The following MUC3A variants were observed in gnomAD, a reference collection of about 807,000 sequenced individuals.
MUC3A encodes mucin-3A.
Under a neutral mutation model 109.0 loss-of-function variants are expected in MUC3A, and 109 were observed. The observed-to-expected ratio is 1.00, with a 90% CI of 0.86 to 1.17. The LOEUF (loss-of-function observed/expected upper bound fraction) is 1.17, where lower values mean the gene tolerates loss of function less well. MUC3A is among the 50% of genes most tolerant of loss of function. MUC3A has a pLI of 0.00. For missense variants in MUC3A, 3,537 were observed against 2,469.4 expected (o/e 1.43, Z -9.16); for synonymous variants, 1,398 against 981.4 (o/e 1.42, Z -7.93).
In MUC3A at chr7:100,958,853, C is replaced by T; in HGVS notation, c.7074C>T (p.Phe2358=). The T allele has an allele frequency of 7.0e-7, 1 of 1,429,012 alleles. No individual in the cohort carries two copies. The highest frequency in any genetic ancestry group is 9.1e-7 in the Non-Finnish European group (1 of 1,098,860). The allele number at this position is 1,429,012 out of a possible 1,614,324, so 88.5% of individuals were successfully genotyped here. A position where few individuals can be genotyped will look rare whatever the true frequency, so the allele number is the denominator to read the frequency against. The stretch of plus-strand genomic sequence containing the variant: ...CCAACTCTCACAGTACTACCAGCTT[C>T]ACTTCTTCGATCACCACCACCGAGA... ...TETNSHSTTS[F]TSSITTTETT... Residue 2358 remains phenylalanine, a synonymous_variant, in exon 2 of 12, where the codon TTC becomes TTT. Transcript: ENST00000379458.
At chr7:100,951,601 G>GACCT (rs765040183) in intron 1 of MUC3A, among the ~76,000 whole-genome samples, 1 of 152,226 alleles carries the variant, frequency 6.6e-6, no homozygotes, top group Non-Finnish European at 1.5e-5. Context: ...ACAAGGCCAA[G>GACCT]GCCCGGTGAG....
At position 100,964,860 on chromosome 7, in the gene MUC3A, G is replaced by A. The variant is rs1246197458; in HGVS notation, c.9382+17G>A. On this transcript the variant is annotated intron_variant, in intron 6 of 11. Coordinates refer to ENST00000379458, the MANE Select transcript of MUC3A (RefSeq NM_005960.2). ...ACTCCCAGAGTGAGCCCAGGCTGGA[G>A]GGAGGGGCCAGGGCCTGAGGTGTCA... The A allele has an allele frequency of 6.3e-7, 1 of 1,592,210 alleles. No homozygotes were observed. The highest frequency in any genetic ancestry group is 8.5e-7 in the Non-Finnish European group (1 of 1,175,662).
At position 100,960,419 on chromosome 7, in the gene MUC3A, CCT is replaced by C. The variant is rs775766625; in HGVS notation, c.8641_8642del (p.Leu2881ThrfsTer17). On this transcript the variant is annotated frameshift_variant, in exon 2 of 12. Transcript: ENST00000379458. LOFTEE classifies it high-confidence loss of function. ...GGCTGAGCAACAGTTCTGTGATCCCCCTACCTCTTCCTGGCGTCTCTACCATC... is the reference window on the plus strand; with the variant it reads ...GGCTGAGCAACAGTTCTGTGATCCCCACCTCTTCCTGGCGTCTCTACCATC... ...TWLSNSSVIP[L>X]PLPGVSTIPL... The C allele has an allele frequency of 6.3e-7, 1 of 1,598,536 alleles. No individual in the cohort carries two copies. Among genetic ancestry groups the C allele is most frequent in the East Asian group, 2.2e-5 (1 of 44,890 alleles).
chr7:100,965,353 G>T lies in MUC3A; in HGVS notation c.9448+6G>T, dbSNP rs769374667. 7 of 1,597,206 alleles carry T rather than the reference G, an allele frequency of 4.4e-6. No homozygotes were observed. Among genetic ancestry groups the T allele is most frequent in the Non-Finnish European group, 5.9e-6 (7 of 1,178,844 alleles). Reference sequence around the variant, plus strand: ...GACAGAGCTGACCCCGGCAGGTAAGGGTGGGGTAAAGGGCTGAGTGGTCTC... The same window carrying T: ...GACAGAGCTGACCCCGGCAGGTAAGTGTGGGGTAAAGGGCTGAGTGGTCTC... On this transcript the variant is annotated splice_donor_region_variant and intron_variant, in intron 7 of 11. Coordinates refer to ENST00000379458, the MANE Select transcript of MUC3A (RefSeq NM_005960.2).
Position 100,958,878 on chromosome 7 carries a change from A to T in MUC3A, c.7099A>T (p.Thr2367Ser), listed in dbSNP as rs565072040. The change falls in exon 2 of 12, where the codon ACC becomes TCC. Residue 2367 changes from threonine to serine, a missense_variant. By Grantham distance (58) the Thr-to-Ser change is moderately conservative (BLOSUM62 1). Transcript: ENST00000379458. ...CACTTCTTCGATCACCACCACCGAG[A>T]CCACCTCACACAGTACTCCCAGCTT... ...SFTSSITTTETTSHSTPSFSS... is the reference protein window; with the variant it reads ...SFTSSITTTESTSHSTPSFSS... The T allele has an allele frequency of 6.3e-7, 1 of 1,593,636 alleles. No individual in the cohort carries two copies. The highest frequency in any genetic ancestry group is 8.5e-7 in the Non-Finnish European group (1 of 1,176,944).
chr7:100,966,086 A>G, intron 8 of MUC3A: 1 of 449,894 alleles, frequency 2.2e-6, no homozygotes, highest in Non-Finnish European at 3.2e-6. Flanking sequence ...ATTCTGGGAG[A>G]GAACCCCGCC....
Position 100,955,099 on chromosome 7 carries a change from G to A in MUC3A, c.3320G>A (p.Ser1107Asn), listed in dbSNP as rs1027166033. The A allele has an allele frequency of 1.9e-6, 1 of 525,402 alleles. No homozygotes were observed. Among genetic ancestry groups the A allele is most frequent in the Non-Finnish European group, 3.3e-6 (1 of 300,370 alleles). The allele number at this position is 525,402 out of a possible 1,614,324, so 32.5% of individuals were successfully genotyped here. A position where few individuals can be genotyped will look rare whatever the true frequency, so the allele number is the denominator to read the frequency against. ...ACGACTGAAATCACCTATTCCACAAGTATAACAGGTACATTGTCCACTGCC... is the reference window on the plus strand; with the variant it reads ...ACGACTGAAATCACCTATTCCACAAATATAACAGGTACATTGTCCACTGCC... ...DSTTEITYST[S>N]ITGTLSTATT... is the part of the protein sequence containing the mutation. The change falls in exon 2 of 12, where the codon AGT becomes AAT. Residue 1107 changes from serine (S) to asparagine (N), a missense_variant. Coordinates refer to ENST00000379458, the MANE Select transcript of MUC3A (RefSeq NM_005960.2).
At chr7:100,963,075 G>T in intron 3 of MUC3A, 76 bp from the exon 4 acceptor site, 1 of 1,503,202 alleles carries the variant, frequency 6.7e-7, no homozygotes, top group Non-Finnish European at 9.0e-7. Context: ...GGAGCCTGTG[G>T]GTTGGGGTGG....
chr7:100,952,388 G>A lies in MUC3A; in HGVS notation c.609G>A (p.Val203=), dbSNP rs940393401. 2 of 1,597,700 alleles carry A rather than the reference G, an allele frequency of 1.3e-6. No homozygotes were observed. Among genetic ancestry groups the A allele is most frequent in the Non-Finnish European group, 1.7e-6 (2 of 1,179,466 alleles). Residue 203 remains valine, a synonymous_variant, in exon 2 of 12, where the codon GTG becomes GTA. Coordinates refer to ENST00000379458, the MANE Select transcript of MUC3A (RefSeq NM_005960.2). ...CAAGGGAAACTCCCATAGTGACAGT[G>A]ACACCCTCCTCTGTGTCAGCCACAG... is the stretch of plus-strand genomic sequence containing the variant. ...TTARETPIVT[V]TPSSVSATDT... is the part of the protein sequence containing the mutation.
At chr7:100,962,807 CTCTCTCTT>C (rs922597449) in intron 3 of MUC3A, among the ~76,000 whole-genome samples, 1 of 33,922 alleles carries the variant, frequency 2.9e-5, no homozygotes, top group African/African-American at 1.1e-4. Flanking sequence ...TTCTCTCTCT[CTCTCTCTT>C]TCTTTCTTTC....
In MUC3A at chr7:100,959,668, CTAT is replaced by C; in HGVS notation, c.7891_7893del (p.Ile2631del). ...ACGATCGTGTCAACATCACAGGTTCCTATTCCTAGCACACATTCCTCCACCCTT... is the reference window on the plus strand; with the variant it reads ...ACGATCGTGTCAACATCACAGGTTCCTCCTAGCACACATTCCTCCACCCTT... On this transcript the variant is annotated inframe_deletion, in exon 2 of 12. Coordinates refer to ENST00000379458, the MANE Select transcript of MUC3A (RefSeq NM_005960.2). The C allele has an allele frequency of 6.3e-7, 1 of 1,598,522 alleles. No homozygotes were observed. The highest frequency in any genetic ancestry group is 1.3e-5 in the African/African-American group (1 of 75,084).
In MUC3A at chr7:100,966,653, T is replaced by A. The variant is rs587634761; in HGVS notation, c.9787T>A (p.Ser3263Thr). The stretch of plus-strand genomic sequence containing the variant: ...TGACCGCGCGGCGGCCCCACCTAGG[T>A]CCTGGGACCAGGACAGGAAATGGTT... ...GWWGGQRRGRSWDQDRKWFET... is the reference protein window; with the variant it reads ...GWWGGQRRGRTWDQDRKWFET... Residue 3263 changes from serine to threonine, a missense_variant and splice_region_variant, in exon 10 of 12, where the codon TCC becomes ACC. By Grantham distance (58) the Ser-to-Thr change is moderately conservative (BLOSUM62 1). Coordinates refer to ENST00000379458, the MANE Select transcript of MUC3A (RefSeq NM_005960.2). 16 of 1,598,506 alleles carry A rather than the reference T, an allele frequency of 1.0e-5. No individual in the cohort carries two copies. The Admixed American group carries it at 2.7e-4, about 27-fold the overall frequency.
Position 100,952,957 on chromosome 7 carries a change from A to C in MUC3A, c.1178A>C (p.Glu393Ala), listed in dbSNP as rs1792010104. 27 of 1,593,348 alleles carry C rather than the reference A, an allele frequency of 1.7e-5. No individual in the cohort carries two copies. Among genetic ancestry groups the C allele is most frequent in the Non-Finnish European group, 2.2e-5 (26 of 1,177,710 alleles). Residue 393 changes from glutamate to alanine, a missense_variant, in exon 2 of 12, where the codon GAG (glutamate) becomes GCG (alanine). By Grantham distance (107) the Glu-to-Ala change is moderately radical. Coordinates refer to ENST00000379458, the MANE Select transcript of MUC3A (RefSeq NM_005960.2). Reference sequence around the variant, plus strand: ...ACAAACTTGGTAACCACCACCACTGAGATCTCCTCCCACAGTACTCCCAGC... The same window carrying C: ...ACAAACTTGGTAACCACCACCACTGCGATCTCCTCCCACAGTACTCCCAGC... The part of the protein sequence containing the change: ...PMTNLVTTTT[E>A]ISSHSTPSFS...
At chr7:100,965,919 G>C (rs1450321194) in intron 8 of MUC3A, 53 bp downstream of exon 8, 1 of 1,544,156 alleles carries the variant, frequency 6.5e-7, no homozygotes, top group Non-Finnish European at 8.7e-7. Context: ...CTCATTCTAG[G>C]ATGAAGCCCT....
chr7:100,966,462 G>T lies in MUC3A; in HGVS notation c.9688G>T (p.Gly3230Cys). 1.5e-6 allele frequency: 2 copies of T among 1,339,492 alleles called. No homozygotes were observed. Among genetic ancestry groups the T allele is most frequent in the Non-Finnish European group, 9.5e-7 (1 of 1,053,318 alleles). 83.0% of individuals were successfully genotyped at this position (1,339,492 alleles called of 1,614,324 possible). Reference sequence around the variant, plus strand: ...CGTCCACTGGAGGGCGCTGGTCGGGGGCCTGACGGCCGGCGCCGCGCTGCT... The same window carrying T: ...CGTCCACTGGAGGGCGCTGGTCGGGTGCCTGACGGCCGGCGCCGCGCTGCT... The part of the protein sequence containing the change: ...VAVHWRALVG[G>C]LTAGAALLVL... The change falls in exon 9 of 12, where the codon GGC becomes TGC. Residue 3230 changes from glycine to cysteine, a missense_variant. Physicochemically the swap from Gly to Cys is radical, Grantham distance 159. Transcript: ENST00000379458.
rs1233704471 is a variant in MUC3A at position 100,952,783 on chromosome 7, C to T, written c.1004C>T (p.Thr335Ile). The change falls in exon 2 of 12, where the codon ACC becomes ATC. Residue 335 changes from threonine to isoleucine, a missense_variant. By Grantham distance (89) the Thr-to-Ile change is moderately conservative (BLOSUM62 -1). Transcript: ENST00000379458. ...AGGTCTACACCTACATCTGAGACCA[C>T]CTACACTACTTCTCCCACCAGCACT... is the stretch of plus-strand genomic sequence containing the variant. Reference protein sequence around the residue: ...ISRSTPTSETTYTTSPTSTVT... With the variant: ...ISRSTPTSETIYTTSPTSTVT... 2 of 1,556,128 alleles carry T rather than the reference C, an allele frequency of 1.3e-6. No homozygotes were observed. Among genetic ancestry groups the T allele is most frequent in the Admixed American group, 1.9e-5 (1 of 52,054 alleles).
At position 100,963,187 on chromosome 7, in the gene MUC3A, T is replaced by A; in HGVS notation, c.9089T>A (p.Val3030Glu). Residue 3030 changes from valine to glutamate, a missense_variant, in exon 4 of 12, where the codon GTG becomes GAG. Physicochemically the swap from Val to Glu is moderately radical, Grantham distance 121. Transcript: ENST00000379458. ...VETEVGMEVS[V>E]DQQFSPDLND... ...ACCGAGGTGGGCATGGAAGTGTCTG[T>A]GGATCAGCAGTTCTCGCCGGACCTC... The A allele has an allele frequency of 6.3e-7, 1 of 1,593,674 alleles. No individual in the cohort carries two copies. Among genetic ancestry groups the A allele is most frequent in the Non-Finnish European group, 8.5e-7 (1 of 1,177,446 alleles).
In MUC3A at chr7:100,952,864, C is replaced by A; in HGVS notation, c.1085C>A (p.Ser362Tyr). The A allele has an allele frequency of 6.5e-7, 1 of 1,542,356 alleles. No homozygotes were observed. Among genetic ancestry groups the A allele is most frequent in the Non-Finnish European group, 8.7e-7 (1 of 1,150,840 alleles). Residue 362 changes from serine (S) to tyrosine (Y), a missense_variant, in exon 2 of 12, where the codon TCC (serine) becomes TAC (tyrosine). Ser to Tyr is a moderately radical substitution (Grantham distance 144). Coordinates refer to ENST00000379458, the MANE Select transcript of MUC3A (RefSeq NM_005960.2). ...TCCACAAGTATGACAGGTACATTGT[C>A]CACAGAGACTTCTCTCCCACCCACC... ...AYSTSMTGTL[S>Y]TETSLPPTSS...
chr7:100,958,163 T>TACC lies in MUC3A; in HGVS notation c.6384_6385insACC (p.Thr2128dup). On this transcript the variant is annotated inframe_insertion, in exon 2 of 12. Transcript: ENST00000379458. ...CCTCACACAGTACTCCCAGCTTCAC[T>TACC]TCTTCGATCACCACCACTGAGAACG... 1 of 1,281,774 alleles carries TACC rather than the reference T, an allele frequency of 7.8e-7. No individual in the cohort carries two copies. Among genetic ancestry groups the TACC allele is most frequent in the Non-Finnish European group, 1.1e-6 (1 of 893,582 alleles). The allele number at this position is 1,281,774 out of a possible 1,614,324, so 79.4% of individuals were successfully genotyped here. A position where few individuals can be genotyped will look rare whatever the true frequency, so the allele number is the denominator to read the frequency against.
Sources: gnomAD v4.1 joint callset for allele counts (sites outside exome capture counted in the v4.1 genomes callset) on GRCh38, gnomAD v4.1.1 for gene constraint, MANE v1.5 for transcripts, NCBI Gene and HGNC (gene_info 2026-07-23, HGNC 2026-07-21) for gene names.